Variants in CPAMD8 observed in about 807,000 individuals in gnomAD.
The protein encoded by CPAMD8 is C3 and PZP-like alpha-2-macroglobulin domain-containing protein 8.
In CPAMD8, 146 loss-of-function variants were observed where a neutral mutation model predicts 224.7. The observed-to-expected ratio is 0.65, with a 90% confidence interval of 0.57 to 0.75. CPAMD8 has a LOEUF of 0.75. Among genes scored for constraint, CPAMD8 ranks in the 30% least tolerant of loss-of-function variants. The probability of loss-of-function intolerance (pLI) is 0.00; values close to 1 mark genes in which losing one functional copy is unlikely to be tolerated. For missense variants in CPAMD8, 2,301 were observed against 2,537.5 expected (o/e 0.91, Z 2.00); for synonymous variants, 966 against 1,044.6 (o/e 0.92, Z 1.45).
At chr19:16,960,282 CCT>C (rs1357298340) in intron 18 of CPAMD8, among the ~76,000 whole-genome samples, 3 of 152,036 alleles carry the variant, frequency 2.0e-5, no homozygotes, top group Admixed American at 1.3e-4. Context: ...ACCATCAACA[CCT>C]CTCCTAGGAG....
At chr19:16,920,929 G>C (rs1354543522) in intron 27 of CPAMD8, among the ~76,000 whole-genome samples, 1 of 152,024 alleles carries the variant, frequency 6.6e-6, no homozygotes, top group Non-Finnish European at 1.5e-5. Context: ...GGCCTCCTAG[G>C]GGCTGCTGGG....
intron 30 of CPAMD8, among the ~76,000 whole-genome samples, chr19:16,906,407 T>TTTCTTTCTTTCCTTCCTTCC (rs1196710399): frequency 4.3e-5 from 3 of 69,890 alleles, no homozygotes; most frequent in Admixed American, 1.6e-4. Context: ...TCTTTCTTTC[T>TTTCTTTCTTTCCTTCCTTCC]TTCCTTCCTT....
At chr19:16,969,645 C>T (rs1262519922) in intron 18 of CPAMD8, among the ~76,000 whole-genome samples, 1 of 151,944 alleles carries the variant, frequency 6.6e-6, no homozygotes, top group Admixed American at 6.6e-5. Flanking sequence ...TTTGAGAGGC[C>T]ACAGCAGGCA....
At position 16,989,705 on chromosome 19, in the gene CPAMD8, C is replaced by A. The variant is rs574048580; in HGVS notation, c.1333G>T (p.Gly445Cys). 8.7e-6 allele frequency: 14 copies of A among 1,613,946 alleles called. No individual in the cohort carries two copies. In the South Asian group the frequency reaches 1.5e-4, roughly 18 times the overall value. The change falls in exon 13 of 42, where the codon GGC becomes TGC. Residue 445 changes from glycine (G) to cysteine (C), a missense_variant. By Grantham distance (159) the Gly-to-Cys change is radical. Coordinates refer to ENST00000443236, the MANE Select transcript of CPAMD8 (RefSeq NM_015692.5). ...AQYLPSYLSL[G>C]SWYSPSQCYL... ...CACTGGCTGGGGGAGTACCAGCTGC[C>A]GAGGGAGAGGTAGCTGGGCAGGTAC...
chr19:16,957,985 T>C lies in CPAMD8; in HGVS notation c.2214-70A>G, dbSNP rs1393592036. 7 of 1,391,806 alleles carry C rather than the reference T, an allele frequency of 5.0e-6. No individual in the cohort carries two copies. The Admixed American group carries it at 8.8e-5, about 18-fold the overall frequency. 86.2% of individuals were successfully genotyped at this position (1,391,806 alleles called of 1,614,324 possible). A position where few individuals can be genotyped will look rare whatever the true frequency, so the allele number is the denominator to read the frequency against. On this transcript the variant is annotated intron_variant, in intron 18 of 41. Coordinates refer to ENST00000443236, the MANE Select transcript of CPAMD8 (RefSeq NM_015692.5). ...CAAATCTTATGTGAACCTAGCAGCT[T>C]TGCATTCTATTTGATCAGATATAAC... is the stretch of plus-strand genomic sequence containing the variant.
intron 18 of CPAMD8, among the ~76,000 whole-genome samples, chr19:16,960,994 T>G (rs1286913086): frequency 6.6e-6 from 1 of 152,078 alleles, no homozygotes; most frequent in Non-Finnish European, 1.5e-5. Flanking sequence ...TTCTACTGCT[T>G]GAAAAAAATG....
At chr19:16,921,017 T>G (rs2053154390) in intron 27 of CPAMD8, among the ~76,000 whole-genome samples, 1 of 151,832 alleles carries the variant, frequency 6.6e-6, no homozygotes, top group Admixed American at 6.6e-5. Flanking sequence ...TGCTAAGACG[T>G]GATTGGGGCC....
chr19:16,959,328 C>T (rs2054574963), intron 18 of CPAMD8, among the ~76,000 whole-genome samples: 3 of 151,700 alleles, frequency 2.0e-5, no homozygotes, highest in African/African-American at 7.3e-5. Context: ...AGGTGTGCCA[C>T]CACGCCCGGC....
rs8104601 is a variant in CPAMD8, at chr19:17,005,437, T to C, written c.560-1051A>G. Among the ~76,000 whole-genome samples, 667 of 135,486 alleles carry C rather than the reference T, an allele frequency of 4.9e-3. 4 individuals carry two copies. The highest frequency in any genetic ancestry group is 0.017 in the African/African-American group (631 of 36,132). The allele number at this position is 135,486 out of a possible 152,430, so 88.9% of individuals were successfully genotyped here. A position where few individuals can be genotyped will look rare whatever the true frequency, so the allele number is the denominator to read the frequency against. On this transcript the variant is annotated intron_variant, in intron 7 of 41. Coordinates refer to ENST00000443236, the MANE Select transcript of CPAMD8 (RefSeq NM_015692.5). Reference sequence around the variant, plus strand: ...ACTGAACTAGAGCACGCACACACTTTAGAACAGAGCACTCTCTCCCCAAAC... The same window carrying C: ...ACTGAACTAGAGCACGCACACACTTCAGAACAGAGCACTCTCTCCCCAAAC...
chr19:16,943,004 C>CTTTCTTTTTT (rs1328933434), intron 22 of CPAMD8, among the ~76,000 whole-genome samples: 1 of 134,226 alleles, frequency 7.5e-6, no homozygotes, highest in African/African-American at 3.0e-5. Context: ...TTTCTTTTTT[C>CTTTCTTTTTT]TTTTTTCTTT....
At chr19:16,927,965 C>T in intron 25 of CPAMD8, 44 bp downstream of exon 25, 1 of 1,443,664 alleles carries the variant, frequency 6.9e-7, no homozygotes, top group Non-Finnish European at 9.7e-7. Context: ...AACTTCGGCT[C>T]TTGCCCCCTG....
intron 7 of CPAMD8, among the ~76,000 whole-genome samples, chr19:17,005,694 TC>T (rs1478036673): frequency 6.6e-6 from 1 of 152,048 alleles, no homozygotes; most frequent in Non-Finnish European, 1.5e-5. Context: ...GGAGAGTGGT[TC>T]CCCTGGGTCT....
At chr19:17,026,526 T>A in intron 1 of CPAMD8, 25 bp downstream of exon 1, 1 of 1,476,356 alleles carries the variant, frequency 6.8e-7, no homozygotes, top group Non-Finnish European at 8.9e-7. Flanking sequence ...GCGACCGACC[T>A]CCTCTGTCGC....
chr19:16,997,042 C>G, intron 11 of CPAMD8, 69 bp downstream of exon 11: 3 of 938,232 alleles, frequency 3.2e-6, no homozygotes, highest in Non-Finnish European at 5.2e-6. Context: ...CACTGCAGAG[C>G]TAGTGGCTAG....
chr19:16,922,957 GCCTTCGGTCA>G (rs2053230995), intron 26 of CPAMD8, among the ~76,000 whole-genome samples: 1 of 152,230 alleles, frequency 6.6e-6, no homozygotes, highest in Admixed American at 6.5e-5. Context: ...TCACACACTG[GCCTTCGGTCA>G]CTCCCAGGAG....
intron 9 of CPAMD8, 61 bp downstream of exon 9, chr19:17,002,205 C>A (rs10401948): frequency 1.9e-5 from 21 of 1,105,562 alleles, no homozygotes; most frequent in South Asian, 2.7e-5. Flanking sequence ...GAGGGAGCAG[C>A]GTGATGGTTG....
At position 16,938,310 on chromosome 19, in the gene CPAMD8, C is replaced by A. The variant is rs976323593; in HGVS notation, c.2845+85G>T. 7 of 665,758 alleles carry A rather than the reference C, an allele frequency of 1.1e-5. No homozygotes were observed. The African/African-American group carries it at 1.2e-4, about 11-fold the overall frequency. 41.2% of individuals were successfully genotyped at this position (665,758 alleles called of 1,614,324 possible). A position where few individuals can be genotyped will look rare whatever the true frequency, so the allele number is the denominator to read the frequency against. ...GGTGCTCACTTTGCAGCGGGACAGC[C>A]CCCACAGTGTGGGAAAGGGGGAAGG... On this transcript the variant is annotated intron_variant, in intron 23 of 41. Coordinates refer to ENST00000443236, the MANE Select transcript of CPAMD8 (RefSeq NM_015692.5).
chr19:16,989,428 A>G (rs1159170214), intron 13 of CPAMD8, among the ~76,000 whole-genome samples: 1 of 152,140 alleles, frequency 6.6e-6, no homozygotes, highest in African/African-American at 2.4e-5. Flanking sequence ...CTGGGATTAC[A>G]GGCACGCACC....
chr19:17,009,564 G>C (rs889363566), intron 5 of CPAMD8: 2 of 428,744 alleles, frequency 4.7e-6, no homozygotes, highest in Non-Finnish European at 8.3e-6. Flanking sequence ...CACGAGGTCA[G>C]GAGATTGAGA....
Sources: allele counts gnomAD v4.1 joint callset (sites outside exome capture counted in the v4.1 genomes callset), GRCh38; gene constraint gnomAD v4.1.1; transcripts MANE v1.5; gene names NCBI Gene and HGNC (gene_info 2026-07-23, HGNC 2026-07-21).